SLC35F3: variants seen among roughly 807,000 people sequenced by gnomAD.
The protein encoded by SLC35F3 is putative thiamine transporter SLC35F3.
A neutral mutation model predicts 49.9 loss-of-function variants in SLC35F3; 25 were observed. The observed-to-expected ratio is 0.50, with a 90% CI of 0.37 to 0.70. SLC35F3 has a LOEUF of 0.70. SLC35F3 is among the 30% of genes least tolerant of loss of function. SLC35F3 has a pLI of 0.00. For missense variants in SLC35F3, 525 were observed against 639.8 expected (o/e 0.82, Z 1.94); for synonymous variants, 275 against 265.4 (o/e 1.04, Z -0.35).
chr1:233,923,943 C>T (rs934441342), intron 2 of SLC35F3, among the ~76,000 whole-genome samples: 5 of 152,196 alleles, frequency 3.3e-5, no homozygotes, highest in African/African-American at 7.2e-5. Context: ...TGATGGATTA[C>T]GTTTGTTGAT....
At chr1:234,090,078 G>C (rs1469386894) in intron 2 of SLC35F3, among the ~76,000 whole-genome samples, 1 of 152,248 alleles carries the variant, frequency 6.6e-6, no homozygotes, top group African/African-American at 2.4e-5. Flanking sequence ...TTTAAACAAG[G>C]CTCTTTGGTG....
intron 2 of SLC35F3, among the ~76,000 whole-genome samples, chr1:234,018,163 A>C (rs997688439): frequency 3.3e-5 from 5 of 152,204 alleles, no homozygotes; most frequent in African/African-American, 7.2e-5. Flanking sequence ...AAACGCCGTG[A>C]ATATTGATCT....
chr1:233,913,186 G>C (rs1233231742), intron 2 of SLC35F3, among the ~76,000 whole-genome samples: 1 of 152,180 alleles, frequency 6.6e-6, no homozygotes, highest in Non-Finnish European at 1.5e-5. Flanking sequence ...TCCAAGCAAA[G>C]GGACAACATA....
intron 2 of SLC35F3, among the ~76,000 whole-genome samples, chr1:234,036,034 A>T (rs1664136634): frequency 6.6e-6 from 1 of 152,150 alleles, no homozygotes. Flanking sequence ...GTTAGAATGG[A>T]TGACTTTAAG....
intron 2 of SLC35F3, among the ~76,000 whole-genome samples, chr1:234,192,966 A>G (rs1024187330): frequency 6.6e-6 from 1 of 152,204 alleles, no homozygotes; most frequent in African/African-American, 2.4e-5. Flanking sequence ...ACAAATGGAA[A>G]CACATCCCCT....
In SLC35F3 at chr1:234,265,606, G is replaced by A. The variant is rs150509257; in HGVS notation, c.608+33865G>A. Among the ~76,000 whole-genome samples the A allele has an allele frequency of 1.6e-3, 243 of 152,076 alleles. 2 individuals carry two copies. The highest frequency in any genetic ancestry group is 5.4e-3 in the African/African-American group (223 of 41,496). On this transcript the variant is annotated intron_variant, in intron 3 of 7. Coordinates refer to ENST00000366618, the MANE Select transcript of SLC35F3 (RefSeq NM_173508.4). ...CAGCCCCACCATGTCCCCCCAAGAC[G>A]AAGACATCATTCTCTCCCTTGTGTC...
At chr1:234,183,612 C>T (rs1666592607) in intron 2 of SLC35F3, among the ~76,000 whole-genome samples, 1 of 142,778 alleles carries the variant, frequency 7.0e-6, no homozygotes, top group African/African-American at 2.4e-5. Flanking sequence ...TACTGTGTCG[C>T]TGGCCTGGTC....
chr1:233,920,921 T>C (rs1662048319), intron 2 of SLC35F3, among the ~76,000 whole-genome samples: 1 of 152,232 alleles, frequency 6.6e-6, no homozygotes, highest in Non-Finnish European at 1.5e-5. Flanking sequence ...TTTCCCTGAT[T>C]GAGCTCCTGG....
At chr1:234,121,133 C>CTTT (rs66702949) in intron 2 of SLC35F3, among the ~76,000 whole-genome samples, 178 of 102,778 alleles carry the variant, frequency 1.7e-3, no homozygotes, top group East Asian at 5.6e-3. Flanking sequence ...TGAAAAATTA[C>CTTT]TTTTTTTTTT....
At chr1:233,923,281 C>T (rs975838947) in intron 2 of SLC35F3, among the ~76,000 whole-genome samples, 8 of 152,192 alleles carry the variant, frequency 5.3e-5, no homozygotes, top group African/African-American at 1.7e-4. Flanking sequence ...TATCCATGAG[C>T]ATGGAATGTT....
At chr1:234,102,393 A>C (rs1665227073) in intron 2 of SLC35F3, among the ~76,000 whole-genome samples, 1 of 152,148 alleles carries the variant, frequency 6.6e-6, no homozygotes, top group Non-Finnish European at 1.5e-5. Flanking sequence ...TTTGAAGAAG[A>C]CAGAAAAGTG....
intron 2 of SLC35F3, among the ~76,000 whole-genome samples, chr1:233,971,032 T>C (rs897133287): frequency 1.1e-4 from 16 of 152,248 alleles, no homozygotes; most frequent in African/African-American, 3.9e-4. Flanking sequence ...TCTTCACTCA[T>C]GTCTAGACCC....
intron 3 of SLC35F3, among the ~76,000 whole-genome samples, chr1:234,281,540 A>G (rs1163758289): frequency 1.3e-5 from 2 of 152,242 alleles, no homozygotes; most frequent in African/African-American, 4.8e-5. Flanking sequence ...GGAAACAGTG[A>G]TGTAAGAAGA....
intron 2 of SLC35F3, among the ~76,000 whole-genome samples, chr1:234,138,432 C>G (rs750673885): frequency 5.3e-5 from 8 of 152,182 alleles, no homozygotes; most frequent in Non-Finnish European, 1.2e-4. Context: ...TATATGCACA[C>G]TCAAGACCAG....
intron 2 of SLC35F3, among the ~76,000 whole-genome samples, chr1:234,076,999 T>G (rs1403546422): frequency 4.6e-3 from 11 of 2,400 alleles, no homozygotes; most frequent in African/African-American, 0.015. Flanking sequence ...TTTTTTTTTG[T>G]TTTTTTTTTT....
At chr1:234,191,260 A>G (rs958771795) in intron 2 of SLC35F3, among the ~76,000 whole-genome samples, 1 of 152,224 alleles carries the variant, frequency 6.6e-6, no homozygotes, top group South Asian at 2.1e-4. Context: ...CTCAGACCAC[A>G]GTGGAATAAA....
At chr1:234,184,683 C>T (rs79694626) in intron 2 of SLC35F3, among the ~76,000 whole-genome samples, 7,973 of 152,218 alleles carry the variant, frequency 0.052, 681 homozygotes, top group African/African-American at 0.18. Flanking sequence ...TTTCCAGGGC[C>T]TCTACATATT....
At chr1:234,140,266 C>T (rs973434077) in intron 2 of SLC35F3, among the ~76,000 whole-genome samples, 11 of 152,028 alleles carry the variant, frequency 7.2e-5, no homozygotes, top group African/African-American at 2.7e-4. Flanking sequence ...CATCTCATCA[C>T]GCAGGCATTT....
At chr1:233,955,869 T>G (rs1294599162) in intron 2 of SLC35F3, among the ~76,000 whole-genome samples, 4 of 110,682 alleles carry the variant, frequency 3.6e-5, no homozygotes, top group Admixed American at 1.0e-4. Flanking sequence ...GCAGAGGAGG[T>G]GTGGGTATCT....
Sources: allele counts gnomAD v4.1 joint callset (sites outside exome capture counted in the v4.1 genomes callset), GRCh38; gene constraint gnomAD v4.1.1; transcripts MANE v1.5; gene names NCBI Gene and HGNC (gene_info 2026-07-23, HGNC 2026-07-21).